CWF19L2: variants seen among roughly 807,000 people sequenced by gnomAD.
CWF19L2 encodes the protein CWF19 like cell cycle control factor 2, also known as CWF19-like protein 2.
CWF19L2 carries 98 observed loss-of-function variants against 111.7 expected under a neutral mutation model. That is an observed-to-expected ratio of 0.88 (90% CI 0.75 to 1.04). CWF19L2 has a LOEUF of 1.04. Among genes scored for constraint, CWF19L2 ranks in the 50% least tolerant of loss-of-function variants. The probability of loss-of-function intolerance (pLI) is 0.00; values close to 1 mark genes in which losing one functional copy is unlikely to be tolerated. For missense variants in CWF19L2, 1,101 were observed against 1,051.4 expected, an observed-to-expected ratio of 1.05 and a Z score of -0.65; for synonymous variants, 351 against 342.9, an observed-to-expected ratio of 1.02 and a Z score of -0.26.
chr11:107,363,332 G>C (rs376560459), intron 12 of CWF19L2, among the ~76,000 whole-genome samples: 26 of 152,108 alleles, frequency 1.7e-4, no homozygotes, highest in East Asian at 1.6e-3. Context: ...ATGCCACAAA[G>C]ATACTCCTCG....
At chr11:107,333,687 T>C (rs1215055516) in intron 16 of CWF19L2, among the ~76,000 whole-genome samples, 3 of 152,200 alleles carry the variant, frequency 2.0e-5, no homozygotes, top group Non-Finnish European at 4.4e-5. Context: ...GTAGATAATG[T>C]TGTACCTCTA....
At chr11:107,382,170 G>A (rs1025010597) in intron 12 of CWF19L2, among the ~76,000 whole-genome samples, 9 of 152,150 alleles carry the variant, frequency 5.9e-5, no homozygotes, top group African/African-American at 1.7e-4. Context: ...GAATGCTGGA[G>A]TCAATAGAAT....
chr11:107,406,600 C>G (rs765856215), intron 10 of CWF19L2, among the ~76,000 whole-genome samples: 3 of 151,990 alleles, frequency 2.0e-5, no homozygotes, highest in Non-Finnish European at 4.4e-5. Flanking sequence ...ATCATATAGG[C>G]GCAATGCAGC....
chr11:107,402,873 G>GTGTGTGTGTATATATATATATATA (rs1247886311), intron 10 of CWF19L2, among the ~76,000 whole-genome samples: 4 of 94,462 alleles, frequency 4.2e-5, no homozygotes, highest in African/African-American at 1.9e-4. Context: ...ACTGTGGTGT[G>GTGTGTGTGTATATATATATATATA]TATATATATA....
At chr11:107,342,942 C>T (rs1016506997) in intron 14 of CWF19L2, among the ~76,000 whole-genome samples, 3 of 152,108 alleles carry the variant, frequency 2.0e-5, no homozygotes, top group Non-Finnish European at 4.4e-5. Flanking sequence ...CTGGCAGCCC[C>T]TAGAAACTAG....
intron 17 of CWF19L2, among the ~76,000 whole-genome samples, chr11:107,327,481 T>C (rs1027423478): frequency 2.8e-4 from 42 of 152,232 alleles, no homozygotes; most frequent in South Asian, 4.1e-4. Context: ...TGCTACCAAG[T>C]ATATTTATAA....
intron 10 of CWF19L2, among the ~76,000 whole-genome samples, chr11:107,404,752 C>T (rs1368923547): frequency 6.6e-6 from 1 of 152,122 alleles, no homozygotes; most frequent in Admixed American, 6.6e-5. Context: ...AGTGGGTACT[C>T]AATAAATGCT....
At chr11:107,371,477 T>C (rs780883580) in intron 12 of CWF19L2, among the ~76,000 whole-genome samples, 3 of 119,588 alleles carry the variant, frequency 2.5e-5, no homozygotes, top group Non-Finnish European at 1.7e-5. Context: ...GTATTCAATA[T>C]TTAAAGTACG....
intron 14 of CWF19L2, chr11:107,345,509 G>A: frequency 2.2e-6 from 1 of 452,818 alleles, no homozygotes; most frequent in Admixed American, 2.5e-5. Flanking sequence ...TAGTGAAGAA[G>A]GCAGACTCAA....
intron 12 of CWF19L2, among the ~76,000 whole-genome samples, chr11:107,370,996 A>C (rs1215197325): frequency 7.7e-6 from 1 of 130,662 alleles, no homozygotes; most frequent in Non-Finnish European, 1.6e-5. Context: ...TCACGATGTT[A>C]AGATTTCTAG....
chr11:107,341,864 A>T (rs1231594673), intron 14 of CWF19L2, among the ~76,000 whole-genome samples: 1 of 152,088 alleles, frequency 6.6e-6, no homozygotes, highest in African/African-American at 2.4e-5. Flanking sequence ...AGTTGTTCAT[A>T]TTATTCCCTT....
At chr11:107,447,345 C>T (rs1042246437) in intron 3 of CWF19L2, among the ~76,000 whole-genome samples, 1 of 152,046 alleles carries the variant, frequency 6.6e-6, no homozygotes, top group African/African-American at 2.4e-5. Flanking sequence ...CCCCTGGAGT[C>T]TTTAAAGAAA....
intron 14 of CWF19L2, among the ~76,000 whole-genome samples, chr11:107,337,128 C>T (rs955902437): frequency 7.9e-5 from 12 of 152,162 alleles, no homozygotes; most frequent in African/African-American, 2.4e-4. Context: ...AATTCACTTC[C>T]AATTGTTTTC....
intron 10 of CWF19L2, among the ~76,000 whole-genome samples, chr11:107,398,093 AC>A (rs1276690559): frequency 6.6e-6 from 1 of 152,112 alleles, no homozygotes; most frequent in Non-Finnish European, 1.5e-5. Context: ...CAGAAAACCA[AC>A]CCTGGTAATA....
intron 10 of CWF19L2, among the ~76,000 whole-genome samples, chr11:107,394,536 A>G (rs1860894678): frequency 6.6e-6 from 1 of 152,178 alleles, no homozygotes; most frequent in Admixed American, 6.5e-5. Flanking sequence ...TTTCAGTTTT[A>G]AACACTCTAC....
chr11:107,400,035 C>A (rs1352977119), intron 10 of CWF19L2, among the ~76,000 whole-genome samples: 1 of 151,960 alleles, frequency 6.6e-6, no homozygotes, highest in Non-Finnish European at 1.5e-5. Context: ...GGTAATGACA[C>A]AACCTATCAA....
chr11:107,433,907 TA>T (rs1861503502), intron 6 of CWF19L2, among the ~76,000 whole-genome samples, 158 bp from the exon 7 acceptor site: 2 of 138,170 alleles, frequency 1.4e-5, no homozygotes, highest in Non-Finnish European at 3.1e-5. Flanking sequence ...TATATATATA[TA>T]TATATATATA....
At chr11:107,358,476 C>T (rs1271857365) in intron 12 of CWF19L2, among the ~76,000 whole-genome samples, 2 of 152,114 alleles carry the variant, frequency 1.3e-5, no homozygotes, top group Non-Finnish European at 2.9e-5. Flanking sequence ...GTTGAGTTAC[C>T]ACATGACCAA....
intron 16 of CWF19L2, among the ~76,000 whole-genome samples, chr11:107,333,734 G>C (rs1348269988): frequency 1.3e-5 from 2 of 152,054 alleles, no homozygotes; most frequent in African/African-American, 2.4e-5. Flanking sequence ...GTAATAAAAT[G>C]GAATCTTTTG....
Sources: allele counts gnomAD v4.1 joint callset (sites outside exome capture counted in the v4.1 genomes callset), GRCh38; gene constraint gnomAD v4.1.1; transcripts MANE v1.5; gene names NCBI Gene and HGNC (gene_info 2026-07-23, HGNC 2026-07-21).